TTLL5: variants seen among roughly 807,000 people sequenced by gnomAD.
The protein encoded by TTLL5 is tubulin polyglutamylase TTLL5.
A neutral mutation model predicts 168.4 loss-of-function variants in TTLL5; 132 were observed. The ratio of observed to expected loss-of-function variants is 0.78; its 90% CI spans 0.68 to 0.91. TTLL5 has a LOEUF of 0.91. TTLL5 is among the 40% of genes least tolerant of loss of function. The probability of loss-of-function intolerance (pLI) is 0.00; values close to 1 mark genes in which losing one functional copy is unlikely to be tolerated. For synonymous variants in TTLL5, 546 were observed against 558.6 expected (o/e 0.98, Z 0.32); for missense variants, 1,545 against 1,581.5 (o/e 0.98, Z 0.39).
At position 75,699,286 on chromosome 14, in the gene TTLL5, A is replaced by G. The variant is rs1273667757; in HGVS notation, c.585+16A>G. The G allele has an allele frequency of 1.2e-6, 2 of 1,604,298 alleles. No homozygotes were observed. The highest frequency in any genetic ancestry group is 2.2e-5 in the East Asian group (1 of 44,800). ...GATCAACAATGTAAGTATGCAGCAG[A>G]TGGCAAACCTCTCTCCTCACTTGTT... On this transcript the variant is annotated intron_variant, in intron 7 of 31. Coordinates refer to ENST00000298832, the MANE Select transcript of TTLL5 (RefSeq NM_015072.5).
intron 31 of TTLL5, among the ~76,000 whole-genome samples, chr14:75,948,068 A>T (rs1048808769): frequency 6.6e-6 from 1 of 152,234 alleles, no homozygotes; most frequent in African/African-American, 2.4e-5. Flanking sequence ...GGAGTTGCAG[A>T]AACTACGTAG....
intron 17 of TTLL5, 47 bp from the exon 18 acceptor site, chr14:75,752,846 T>C (rs1372917831): frequency 6.4e-7 from 1 of 1,566,672 alleles, no homozygotes; most frequent in South Asian, 1.1e-5. Flanking sequence ...TACATTTTCC[T>C]CTTGAACTAG....
intron 9 of TTLL5, chr14:75,709,422 A>G (rs958174515): frequency 5.8e-6 from 3 of 513,254 alleles, no homozygotes; most frequent in Non-Finnish European, 7.1e-6. Flanking sequence ...CACAGCATTT[A>G]TAAGTCCTGT....
intron 9 of TTLL5, chr14:75,711,282 T>G (rs1445818479): frequency 6.6e-6 from 1 of 152,182 alleles, no homozygotes. Context: ...CTTTTGAATT[T>G]TACTTGCGTG....
At chr14:75,848,807 A>G (rs757412179) in intron 28 of TTLL5, among the ~76,000 whole-genome samples, 23 of 152,244 alleles carry the variant, frequency 1.5e-4, no homozygotes, top group Non-Finnish European at 2.8e-4. Flanking sequence ...GTTGCCTTCT[A>G]CAACAGTGCT....
chr14:75,936,892 C>T (rs866417596), intron 31 of TTLL5, among the ~76,000 whole-genome samples: 11 of 152,300 alleles, frequency 7.2e-5, no homozygotes, highest in Middle Eastern at 3.4e-3. Context: ...TGTCACTAGG[C>T]AGACAAAAAT....
At position 75,783,165 on chromosome 14, in the gene TTLL5, A is replaced by C; in HGVS notation, c.2621A>C (p.Glu874Ala). 1 of 1,610,540 alleles carries C rather than the reference A, an allele frequency of 6.2e-7. No homozygotes were observed. Among genetic ancestry groups the C allele is most frequent in the Non-Finnish European group, 8.5e-7 (1 of 1,179,406 alleles). Residue 874 changes from glutamate (E) to alanine (A), a missense_variant, in exon 26 of 32, where the codon GAA becomes GCA. Glu to Ala is a moderately radical substitution (Grantham distance 107, BLOSUM62 -1). Transcript: ENST00000298832. ...TTAATAGGATTTACCACTTCAGCAG[A>C]AAAAGAGGCAAAATTAGTTTATAGC... is the stretch of plus-strand genomic sequence containing the variant. The part of the protein sequence containing the change: ...DKLSRFTTSA[E>A]KEAKLVYSNS...
chr14:75,925,094 C>T (rs1448475739), intron 31 of TTLL5, among the ~76,000 whole-genome samples: 1 of 144,754 alleles, frequency 6.9e-6, no homozygotes, highest in Admixed American at 6.8e-5. Context: ...GGGGGCTGAC[C>T]CCCCAACCTC....
At chr14:75,921,269 C>T (rs1365113737) in intron 31 of TTLL5, among the ~76,000 whole-genome samples, 2 of 152,104 alleles carry the variant, frequency 1.3e-5, no homozygotes, top group African/African-American at 4.8e-5. Context: ...GTTGCCATTG[C>T]TTTTGGTGTT....
intron 31 of TTLL5, among the ~76,000 whole-genome samples, chr14:75,903,535 G>A (rs547815883): frequency 6.6e-6 from 1 of 152,130 alleles, no homozygotes; most frequent in Non-Finnish European, 1.5e-5. Flanking sequence ...CCATCGAGGA[G>A]TTTTAAGCAG....
intron 27 of TTLL5, among the ~76,000 whole-genome samples, chr14:75,812,145 G>A (rs928902045): frequency 4.6e-5 from 7 of 152,168 alleles, no homozygotes; most frequent in Non-Finnish European, 4.4e-5. Flanking sequence ...TGAGGTCACC[G>A]TGGCAATGGA....
chr14:75,952,376 G>C (rs1595330635), intron 31 of TTLL5, among the ~76,000 whole-genome samples: 1 of 152,164 alleles, frequency 6.6e-6, no homozygotes, highest in Non-Finnish European at 1.5e-5. Context: ...TGGCTGTAAT[G>C]GAAAAGAGAC....
At chr14:75,882,975 C>A in intron 30 of TTLL5, 73 bp downstream of exon 30, 1 of 1,483,272 alleles carries the variant, frequency 6.7e-7, no homozygotes, top group South Asian at 1.2e-5. Flanking sequence ...ATTTATTACT[C>A]TTCAAGACCG....
chr14:75,681,599 G>A lies in TTLL5; in HGVS notation c.236G>A (p.Ser79Asn), dbSNP rs756030583. The change falls in exon 4 of 32, where the codon AGC becomes AAC. Residue 79 changes from serine to asparagine, a missense_variant. By Grantham distance (46) the Ser-to-Asn change is conservative. Coordinates refer to ENST00000298832, the MANE Select transcript of TTLL5 (RefSeq NM_015072.5). ...IVRTDSRLVRSILTAHGFHEV... is the reference protein window; with the variant it reads ...IVRTDSRLVRNILTAHGFHEV... ...CGAACGGACAGTCGCCTAGTACGCA[G>A]CATTCTGACAGCCCATGGATTTCAT... is the stretch of plus-strand genomic sequence containing the variant. 3.7e-6 allele frequency: 6 copies of A among 1,613,262 alleles called. No homozygotes were observed. Among genetic ancestry groups the A allele is most frequent in the Non-Finnish European group, 3.4e-6 (4 of 1,179,912 alleles).
At chr14:75,697,788 A>G (rs983702706) in intron 6 of TTLL5, among the ~76,000 whole-genome samples, 1 of 152,182 alleles carries the variant, frequency 6.6e-6, no homozygotes, top group African/African-American at 2.4e-5. Flanking sequence ...GCCTCTTAAT[A>G]GGTCCAACCA....
At chr14:75,799,622 G>A (rs890318013) in intron 27 of TTLL5, among the ~76,000 whole-genome samples, 2 of 152,160 alleles carry the variant, frequency 1.3e-5, no homozygotes, top group Non-Finnish European at 2.9e-5. Flanking sequence ...TTTGTCTCAA[G>A]ATTTAGAACT....
At chr14:75,684,820 T>C (rs185534558) in intron 5 of TTLL5, 26 of 152,352 alleles carry the variant, frequency 1.7e-4, no homozygotes, top group African/African-American at 6.3e-4. Context: ...GGGGATAGTG[T>C]CTGTGTGGCA....
intron 28 of TTLL5, among the ~76,000 whole-genome samples, chr14:75,841,624 A>G (rs8013683): frequency 0.018 from 2,789 of 152,196 alleles, 84 homozygotes; most frequent in African/African-American, 0.061. Flanking sequence ...CTAATTTTTA[A>G]ATTTCTTCCA....
chr14:75,785,465 C>T (rs1020230636), intron 26 of TTLL5, among the ~76,000 whole-genome samples: 2 of 152,168 alleles, frequency 1.3e-5, no homozygotes, highest in African/African-American at 4.8e-5. Flanking sequence ...AGGCGTGAGC[C>T]ACTGCGCCCG....
Sources: allele counts gnomAD v4.1 joint callset (sites outside exome capture counted in the v4.1 genomes callset), GRCh38; gene constraint gnomAD v4.1.1; transcripts MANE v1.5; gene names NCBI Gene and HGNC (gene_info 2026-07-23, HGNC 2026-07-21).